The following TRPM3 variants were observed in gnomAD, a reference collection of about 807,000 sequenced individuals.
TRPM3 encodes the protein long transient receptor potential channel 3.
In TRPM3, 77 loss-of-function variants were observed where a neutral mutation model predicts 181.2. The ratio of observed to expected loss-of-function variants is 0.42; its 90% CI spans 0.35 to 0.51. The LOEUF (loss-of-function observed/expected upper bound fraction) is 0.51. Ranked by LOEUF, TRPM3 falls within the 20% of genes least tolerant of loss-of-function variation. TRPM3 has a pLI of 0.01. For missense variants in TRPM3, 1,759 were observed against 2,196.7 expected, an observed-to-expected ratio of 0.80 and a Z score of 3.98; for synonymous variants, 745 against 796.4, an observed-to-expected ratio of 0.94 and a Z score of 1.09.
rs148646666 is a variant in TRPM3, at chr9:71,320,934, A to G, written c.183+125719T>C. Among the ~76,000 whole-genome samples, 314 of 152,064 alleles carry G rather than the reference A, an allele frequency of 2.1e-3. 1 individual carries two copies. The highest frequency in any genetic ancestry group is 7.1e-3 in the African/African-American group (295 of 41,496). ...ACCCATGCATAGGGCCATCCTTGACATCGCTCTCTCCCTCATCCTCCTCCC... is the reference window on the plus strand; with the variant it reads ...ACCCATGCATAGGGCCATCCTTGACGTCGCTCTCTCCCTCATCCTCCTCCC... On this transcript the variant is annotated intron_variant, in intron 1 of 24. Coordinates refer to the TRPM3 transcript ENST00000357533.
intron 8 of TRPM3, among the ~76,000 whole-genome samples, chr9:70,747,778 G>A: frequency 6.6e-6 from 1 of 151,988 alleles, no homozygotes; most frequent in Non-Finnish European, 1.5e-5. Context: ...AACCCCTGCA[G>A]TGTGTAGGAT....
chr9:70,653,474 T>A (rs2059853851), intron 9 of TRPM3, among the ~76,000 whole-genome samples: 1 of 152,008 alleles, frequency 6.6e-6, no homozygotes, highest in Non-Finnish European at 1.5e-5. Flanking sequence ...ATATGGTTTT[T>A]TTTTGGTTGT....
chr9:71,295,775 G>A (rs1469699801), intron 1 of TRPM3, among the ~76,000 whole-genome samples: 1 of 146,906 alleles, frequency 6.8e-6, no homozygotes, highest in Non-Finnish European at 1.5e-5. Flanking sequence ...GAAGTTTGAG[G>A]CTTCAGTAAG....
rs1268360350 is a variant in TRPM3, at chr9:71,364,201, C to CT, written c.183+82451dup. Among the ~76,000 whole-genome samples, 4 of 150,500 alleles carry CT rather than the reference C, an allele frequency of 2.7e-5. No homozygotes were observed. The East Asian group carries it at 7.8e-4, about 29-fold the overall frequency. ...ACAATAAAAAGAACTGGGCTCTCTC[C>CT]TTTAAAAAAAAAAATCACTGTTATT... On this transcript the variant is annotated intron_variant, in intron 1 of 24. Coordinates refer to the TRPM3 transcript ENST00000357533.
chr9:70,937,370 T>C (rs1486910963), intron 1 of TRPM3, among the ~76,000 whole-genome samples: 2 of 152,198 alleles, frequency 1.3e-5, no homozygotes, highest in African/African-American at 4.8e-5. Flanking sequence ...GAAGATTTGT[T>C]TATGATTCTA....
chr9:71,103,462 G>A (rs1170391249), intron 1 of TRPM3, among the ~76,000 whole-genome samples: 1 of 152,086 alleles, frequency 6.6e-6, no homozygotes, highest in Non-Finnish European at 1.5e-5. Flanking sequence ...AGAAGTCAAA[G>A]TTGAAGGAAA....
At chr9:70,903,203 T>C (rs903964992) in intron 1 of TRPM3, among the ~76,000 whole-genome samples, 3 of 152,234 alleles carry the variant, frequency 2.0e-5, no homozygotes, top group African/African-American at 7.2e-5. Context: ...AGGTCTTTTT[T>C]TCCAGTTCAC....
chr9:70,742,060 A>T (rs1339304265), intron 8 of TRPM3, among the ~76,000 whole-genome samples: 1 of 152,164 alleles, frequency 6.6e-6, no homozygotes, highest in Non-Finnish European at 1.5e-5. Context: ...TTAATTTTTT[A>T]AAATAAATAA....
intron 25 of TRPM3, among the ~76,000 whole-genome samples, chr9:70,539,839 C>A (rs113018491): frequency 3.3e-5 from 5 of 152,112 alleles, no homozygotes; most frequent in Middle Eastern, 3.4e-3. Context: ...ATATTTATTT[C>A]TTTATTTATG....
At chr9:70,823,575 A>C (rs535854499) in intron 6 of TRPM3, among the ~76,000 whole-genome samples, 5 of 152,366 alleles carry the variant, frequency 3.3e-5, no homozygotes, top group Non-Finnish European at 4.4e-5. Flanking sequence ...ACACGTGTGC[A>C]TGCACACAAG....
At chr9:70,744,843 T>C (rs1444217318) in intron 8 of TRPM3, among the ~76,000 whole-genome samples, 3 of 152,162 alleles carry the variant, frequency 2.0e-5, no homozygotes, top group Non-Finnish European at 4.4e-5. Context: ...TCATACTTAA[T>C]AATTAGAATA....
exon 1 of TRPM3, chr9:71,446,767 C>G (rs1440546563): frequency 6.4e-7 from 1 of 1,550,524 alleles, no homozygotes; most frequent in African/African-American, 1.4e-5. Flanking sequence ...GTCTGCGGCT[C>G]TCCGCGTTGT....
intron 1 of TRPM3, among the ~76,000 whole-genome samples, chr9:71,014,477 T>C (rs1165791546): frequency 6.6e-6 from 1 of 152,112 alleles, no homozygotes; most frequent in Non-Finnish European, 1.5e-5. Flanking sequence ...GAAAATCTCC[T>C]GTCATTCATA....
chr9:70,915,199 A>C (rs1261907742), intron 1 of TRPM3, among the ~76,000 whole-genome samples: 1 of 152,224 alleles, frequency 6.6e-6, no homozygotes, highest in Admixed American at 6.5e-5. Context: ...TCAAGATAAC[A>C]CAGAGAAGGA....
intron 9 of TRPM3, among the ~76,000 whole-genome samples, chr9:70,647,427 C>G (rs1015672556): frequency 2.8e-4 from 43 of 152,068 alleles, no homozygotes; most frequent in Admixed American, 5.2e-4. Context: ...ATAAACAGAA[C>G]TAAAAACAAA....
intron 9 of TRPM3, among the ~76,000 whole-genome samples, chr9:70,644,958 A>G (rs545114082): frequency 6.7e-4 from 102 of 152,360 alleles, no homozygotes; most frequent in Non-Finnish European, 1.2e-3. Flanking sequence ...CCCATTCACA[A>G]TTGCTACAAA....
At chr9:71,054,718 A>G (rs2060463155) in intron 1 of TRPM3, among the ~76,000 whole-genome samples, 1 of 152,094 alleles carries the variant, frequency 6.6e-6, no homozygotes, top group Admixed American at 6.6e-5. Flanking sequence ...TCACTAGAGA[A>G]GATGCTTTGG....
chr9:70,811,362 CA>C, intron 6 of TRPM3: 1 of 808,766 alleles, frequency 1.2e-6, no homozygotes, highest in Non-Finnish European at 2.0e-6. Context: ...ACTCAAGTTG[CA>C]CAGTGAAACC....
chr9:71,079,612 G>T (rs928170483), intron 1 of TRPM3, among the ~76,000 whole-genome samples: 7 of 152,162 alleles, frequency 4.6e-5, no homozygotes, highest in Admixed American at 4.6e-4. Context: ...AAAGTAAATA[G>T]TTCTTTATTA....
Sources: allele counts gnomAD v4.1 joint callset (sites outside exome capture counted in the v4.1 genomes callset), GRCh38; gene constraint gnomAD v4.1.1; transcripts MANE v1.5; gene names NCBI Gene and HGNC (gene_info 2026-07-23, HGNC 2026-07-21).